KIF16B: variants seen among roughly 807,000 people sequenced by gnomAD.
The protein encoded by KIF16B is kinesin-like protein KIF16B.
In KIF16B, 98 loss-of-function variants were observed where a neutral mutation model predicts 156.3. The ratio of observed to expected loss-of-function variants is 0.63; its 90% CI spans 0.53 to 0.74. KIF16B has a LOEUF of 0.74. KIF16B is among the 30% of genes least tolerant of loss of function. The pLI is 0.00. For synonymous variants in KIF16B, 564 were observed against 583.7 expected (o/e 0.97, Z 0.49); for missense variants, 1,421 against 1,606.5 (o/e 0.88, Z 1.97).
chr20:16,553,744 C>T lies in KIF16B; in HGVS notation c.47+19485G>A, dbSNP rs567835051. Among the ~76,000 whole-genome samples, 16 of 152,240 alleles carry T rather than the reference C, an allele frequency of 1.1e-4. 1 individual carries two copies. Among genetic ancestry groups the T allele is most frequent in the Middle Eastern group, 3.2e-3 (1 of 316 alleles). The stretch of plus-strand genomic sequence containing the variant: ...CCACATTCATAGCAACAGTGGTCCA[C>T]CTGCAGCAACCGCTACCAAGACGCT... On this transcript the variant is annotated intron_variant, in intron 1 of 25. Transcript: ENST00000354981.
intron 15 of KIF16B, among the ~76,000 whole-genome samples, chr20:16,414,406 T>C (rs1387095375): frequency 1.3e-5 from 2 of 152,132 alleles, no homozygotes; most frequent in Non-Finnish European, 2.9e-5. Context: ...AGAATAAACA[T>C]GAAATGATAC....
intron 15 of KIF16B, among the ~76,000 whole-genome samples, chr20:16,413,152 T>C (rs1235899924): frequency 6.6e-6 from 1 of 152,136 alleles, no homozygotes; most frequent in Admixed American, 6.6e-5. Context: ...ATGCACTTAA[T>C]TTGTAATTTT....
At chr20:16,405,033 T>C in intron 16 of KIF16B, 132 bp from the exon 17 acceptor site, 2 of 655,684 alleles carry the variant, frequency 3.1e-6, no homozygotes, top group South Asian at 1.8e-5. Flanking sequence ...CACAATTAAC[T>C]GGTCTATCTG....
chr20:16,494,560 C>T (rs116905424), intron 11 of KIF16B, among the ~76,000 whole-genome samples: 2,290 of 152,262 alleles, frequency 0.015, 32 homozygotes, highest in Non-Finnish European at 0.023. Context: ...AAAGAACAGA[C>T]AGAAATTTGT....
intron 22 of KIF16B, among the ~76,000 whole-genome samples, chr20:16,357,774 G>A (rs1346450665): frequency 6.6e-6 from 1 of 152,156 alleles, no homozygotes; most frequent in East Asian, 1.9e-4. Flanking sequence ...GTGCATTTTG[G>A]CATGAAGTTT....
intron 14 of KIF16B, among the ~76,000 whole-genome samples, 180 bp from the exon 15 acceptor site, chr20:16,427,421 C>T (rs890308017): frequency 1.3e-5 from 2 of 152,082 alleles, no homozygotes; most frequent in Admixed American, 6.6e-5. Context: ...TCATGACGTT[C>T]AATGATAGGA....
chr20:16,505,336 T>C (rs1164980820), intron 9 of KIF16B, among the ~76,000 whole-genome samples: 7 of 152,230 alleles, frequency 4.6e-5, no homozygotes, highest in Non-Finnish European at 8.8e-5. Flanking sequence ...GGGTTTTTTT[T>C]TCCCCTCCCA....
chr20:16,569,295 A>G (rs561759521), intron 1 of KIF16B, among the ~76,000 whole-genome samples: 1 of 152,326 alleles, frequency 6.6e-6, no homozygotes, highest in South Asian at 2.1e-4. Context: ...GTAAAATGGC[A>G]TAACAATAAT....
At chr20:16,370,047 C>T (rs1334221129) in intron 22 of KIF16B, among the ~76,000 whole-genome samples, 1 of 152,106 alleles carries the variant, frequency 6.6e-6, no homozygotes, top group Non-Finnish European at 1.5e-5. Context: ...ATTTCCATCA[C>T]CTACTATTTT....
intron 22 of KIF16B, among the ~76,000 whole-genome samples, chr20:16,363,856 A>C (rs1169244240): frequency 6.6e-6 from 1 of 152,246 alleles, no homozygotes; most frequent in East Asian, 1.9e-4. Context: ...GTTGTTTGTT[A>C]TTTGGCAATT....
At chr20:16,325,176 C>T (rs905501975) in intron 24 of KIF16B, among the ~76,000 whole-genome samples, 3 of 151,984 alleles carry the variant, frequency 2.0e-5, no homozygotes, top group Non-Finnish European at 4.4e-5. Flanking sequence ...CCATCTATGA[C>T]AAACCCACAT....
chr20:16,292,719 T>C (rs930985698), intron 25 of KIF16B, among the ~76,000 whole-genome samples: 4 of 149,944 alleles, frequency 2.7e-5, no homozygotes, highest in Non-Finnish European at 3.0e-5. Flanking sequence ...TTAAAATACA[T>C]GGATGTGCAA....
intron 1 of KIF16B, among the ~76,000 whole-genome samples, chr20:16,567,088 T>C (rs1045760127): frequency 3.3e-5 from 5 of 152,228 alleles, no homozygotes; most frequent in Admixed American, 2.6e-4. Context: ...TTCTGTATAA[T>C]GAAAGGACTT....
intron 12 of KIF16B, among the ~76,000 whole-genome samples, chr20:16,474,002 C>A (rs974744052): frequency 6.6e-6 from 1 of 152,134 alleles, no homozygotes; most frequent in African/African-American, 2.4e-5. Context: ...TTGGCATCTC[C>A]TTCCTCCCTC....
In KIF16B at chr20:16,374,318, C is replaced by G. The variant is rs2064892695; in HGVS notation, c.3289G>C (p.Ala1097Pro). ...DHHGTLEGKV[A>P]SSSLPVSAEK... ...GCACTGACTGGCAAGCTGGAAGAAG[C>G]CACCTTCCCTTCCAGGGTCCCATGA... The change falls in exon 20 of 26, where the codon GCT becomes CCT. Residue 1097 changes from alanine to proline, a missense_variant. Transcript: ENST00000354981. 2 of 1,604,020 alleles carry G rather than the reference C, an allele frequency of 1.2e-6. No homozygotes were observed. Among genetic ancestry groups the G allele is most frequent in the African/African-American group, 1.3e-5 (1 of 74,752 alleles).
At chr20:16,376,346 C>G (rs762243175) in intron 19 of KIF16B, among the ~76,000 whole-genome samples, 2 of 152,142 alleles carry the variant, frequency 1.3e-5, no homozygotes, top group African/African-American at 4.8e-5. Flanking sequence ...TGGATTAAAC[C>G]TGGTTCATAA....
chr20:16,449,374 CT>C (rs1568547385), intron 12 of KIF16B, among the ~76,000 whole-genome samples: 1 of 152,148 alleles, frequency 6.6e-6, no homozygotes, highest in Non-Finnish European at 1.5e-5. Context: ...AAGAATGTCC[CT>C]TGGCAATACT....
chr20:16,395,916 T>A (rs1271438585), intron 17 of KIF16B, among the ~76,000 whole-genome samples: 2 of 152,124 alleles, frequency 1.3e-5, no homozygotes, highest in African/African-American at 4.8e-5. Flanking sequence ...GTATAAACAA[T>A]CTGTAAAATA....
chr20:16,498,861 T>C lies in KIF16B; in HGVS notation c.1177-1183A>G. Reference sequence around the variant, plus strand: ...CCCAGAGACTGTAGCATTTTTTTAATGACTATTTACTTTTCAATTTCTCAT... The same window carrying C: ...CCCAGAGACTGTAGCATTTTTTTAACGACTATTTACTTTTCAATTTCTCAT... On this transcript the variant is annotated intron_variant, in intron 10 of 25. Transcript: ENST00000354981. Among the ~76,000 whole-genome samples, 2 of 150,024 alleles carry C rather than the reference T, an allele frequency of 1.3e-5. 1 individual carries two copies. Among genetic ancestry groups the C allele is most frequent in the South Asian group, 4.3e-4 (2 of 4,632 alleles).
Sources: gnomAD v4.1 joint callset for allele counts (sites outside exome capture counted in the v4.1 genomes callset) on GRCh38, gnomAD v4.1.1 for gene constraint, MANE v1.5 for transcripts, NCBI Gene and HGNC (gene_info 2026-07-23, HGNC 2026-07-21) for gene names.